The following STRA8 variants were observed in gnomAD, a reference collection of about 807,000 sequenced individuals.
The protein encoded by STRA8 is stimulated by retinoic acid gene 8 protein homolog.
Under a neutral mutation model 37.1 loss-of-function variants are expected in STRA8, and 18 were observed. The observed-to-expected ratio is 0.48, with a 90% confidence interval of 0.34 to 0.72. The LOEUF is 0.72. Among genes scored for constraint, STRA8 ranks in the 30% least tolerant of loss-of-function variants. The pLI is 0.01. For missense variants in STRA8, 357 were observed against 410.4 expected, an observed-to-expected ratio of 0.87 and a Z score of 1.13; for synonymous variants, 168 against 162.9, an observed-to-expected ratio of 1.03 and a Z score of -0.24.
chr7:135,243,249 TG>T, intron 3 of STRA8, 76 bp from the exon 4 acceptor site: 2 of 1,504,624 alleles, frequency 1.3e-6, no homozygotes, highest in Non-Finnish European at 1.8e-6. Context: ...ACAGCCCACC[TG>T]GGCCAGAAGG....
upstream of STRA8, among the ~76,000 whole-genome samples, chr7:135,232,469 C>T (rs942692617): frequency 1.3e-5 from 2 of 152,012 alleles, no homozygotes; most frequent in Admixed American, 6.5e-5. Flanking sequence ...CCTAGAAAGG[C>T]CTGTCTCTAC....
At chr7:135,244,898 A>G (rs1832522143) in intron 4 of STRA8, among the ~76,000 whole-genome samples, 1 of 152,192 alleles carries the variant, frequency 6.6e-6, no homozygotes, top group Admixed American at 6.5e-5. Context: ...TTCCTGATCA[A>G]GAGGGGAAAC....
chr7:135,255,142 A>G lies in STRA8; in HGVS notation c.982A>G (p.Asn328Asp). The G allele has an allele frequency of 1.2e-6, 2 of 1,614,104 alleles. No individual in the cohort carries two copies. Among genetic ancestry groups the G allele is most frequent in the Non-Finnish European group, 1.7e-6 (2 of 1,179,930 alleles). Residue 328 changes from asparagine (N) to aspartate (D), a missense_variant, in exon 8 of 9, where the codon AAC becomes GAC. By Grantham distance (23) the Asn-to-Asp change is conservative. Coordinates refer to ENST00000662584, the MANE Select transcript of STRA8 (RefSeq NM_001394401.1). ...SSVLASCNPE[N>D]PEEKFQLYMQ... ...AGTGCTTGCCAGCTGCAACCCAGAA[A>G]ACCCAGAGGAGAAGTTTCAGCTCTA... is the stretch of plus-strand genomic sequence containing the variant.
At chr7:135,251,625 T>G (rs1010172335) in intron 6 of STRA8, among the ~76,000 whole-genome samples, 171 bp from the exon 7 acceptor site, 2 of 151,952 alleles carry the variant, frequency 1.3e-5, no homozygotes, top group Non-Finnish European at 1.5e-5. Flanking sequence ...ATTTACCCCC[T>G]AGGAAGAACA....
intron 3 of STRA8, 105 bp downstream of exon 3, chr7:135,242,961 A>T: frequency 1.6e-6 from 2 of 1,214,450 alleles, no homozygotes; most frequent in Non-Finnish European, 2.4e-6. Flanking sequence ...ACAAATATTT[A>T]TTGAGGGCCT....
chr7:135,249,153 A>G (rs1832605030), intron 6 of STRA8, among the ~76,000 whole-genome samples: 1 of 152,248 alleles, frequency 6.6e-6, no homozygotes, highest in Non-Finnish European at 1.5e-5. Flanking sequence ...TGGTGGTCAC[A>G]TAAGATGATA....
intron 7 of STRA8, among the ~76,000 whole-genome samples, chr7:135,253,185 T>C (rs1444921877): frequency 6.6e-6 from 1 of 152,178 alleles, no homozygotes; most frequent in African/African-American, 2.4e-5. Flanking sequence ...TCCACCCACC[T>C]CGGCTCCCAA....
At chr7:135,255,859 CA>C (rs1832697500) in intron 8 of STRA8, among the ~76,000 whole-genome samples, 1 of 152,250 alleles carries the variant, frequency 6.6e-6, no homozygotes, top group South Asian at 2.1e-4. Flanking sequence ...TGACTCTCAG[CA>C]GGCATTCATA....
At chr7:135,244,767 A>G (rs1197199383) in intron 4 of STRA8, among the ~76,000 whole-genome samples, 2 of 152,194 alleles carry the variant, frequency 1.3e-5, no homozygotes, top group African/African-American at 4.8e-5. Context: ...GTCTGCAAAT[A>G]AAGACAGATT....
intron 7 of STRA8, among the ~76,000 whole-genome samples, 199 bp downstream of exon 7, chr7:135,252,068 G>A (rs1265825081): frequency 6.6e-6 from 1 of 151,036 alleles, no homozygotes; most frequent in Admixed American, 6.6e-5. Flanking sequence ...GGGTGTTCAG[G>A]GGCCTCTCCT....
At chr7:135,248,865 G>A (rs571478562) in intron 6 of STRA8, among the ~76,000 whole-genome samples, 10 of 152,220 alleles carry the variant, frequency 6.6e-5, no homozygotes, top group South Asian at 6.2e-4. Context: ...TCCTTTCCCC[G>A]ACCCCCGAAC....
intron 6 of STRA8, among the ~76,000 whole-genome samples, chr7:135,249,042 C>T (rs757356826): frequency 6.6e-6 from 1 of 152,130 alleles, no homozygotes; most frequent in African/African-American, 2.4e-5. Flanking sequence ...TTTACAGCCC[C>T]AAAGTGCCAA....
intron 1 of STRA8, among the ~76,000 whole-genome samples, 182 bp from the exon 2 acceptor site, chr7:135,240,337 A>G (rs1420563155): frequency 6.6e-6 from 1 of 152,184 alleles, no homozygotes; most frequent in East Asian, 1.9e-4. Flanking sequence ...GGGCTTTTGT[A>G]AACTTCTCAA....
At chr7:135,257,705 G>A (rs761679629) in intron 8 of STRA8, among the ~76,000 whole-genome samples, 9 of 152,112 alleles carry the variant, frequency 5.9e-5, no homozygotes, top group Non-Finnish European at 1.3e-4. Flanking sequence ...GGGATTACAG[G>A]CATTGAGCCA....
intron 7 of STRA8, among the ~76,000 whole-genome samples, chr7:135,254,865 T>A (rs948047764): frequency 6.6e-6 from 1 of 152,184 alleles, no homozygotes; most frequent in Non-Finnish European, 1.5e-5. Context: ...CTTGTTCCAG[T>A]GGCCACAGCT....
At chr7:135,235,230 A>G (rs142320489) in intron 1 of STRA8, among the ~76,000 whole-genome samples, 31 of 152,284 alleles carry the variant, frequency 2.0e-4, no homozygotes, top group African/African-American at 7.0e-4. Flanking sequence ...TGAAAGGCCT[A>G]GTATTATTTT....
intron 1 of STRA8, among the ~76,000 whole-genome samples, chr7:135,235,616 T>C (rs1832363384): frequency 6.6e-6 from 1 of 152,102 alleles, no homozygotes; most frequent in Admixed American, 6.5e-5. Flanking sequence ...AATTTTTCTA[T>C]TTTTAGTAAG....
chr7:135,255,299 C>A, intron 8 of STRA8, 74 bp downstream of exon 8: 1 of 1,160,802 alleles, frequency 8.6e-7, no homozygotes, highest in Non-Finnish European at 1.3e-6. Context: ...TAAGGGCAGC[C>A]CTAACCAGAA....
At chr7:135,257,040 C>T (rs955404304) in intron 8 of STRA8, among the ~76,000 whole-genome samples, 3 of 152,192 alleles carry the variant, frequency 2.0e-5, no homozygotes, top group Non-Finnish European at 2.9e-5. Flanking sequence ...ACAAGATTTG[C>T]CTGGAGACTG....
Sources: allele counts gnomAD v4.1 joint callset (sites outside exome capture counted in the v4.1 genomes callset), GRCh38; gene constraint gnomAD v4.1.1; transcripts MANE v1.5; gene names NCBI Gene and HGNC (gene_info 2026-07-23, HGNC 2026-07-21).